FMO5: variants seen among roughly 807,000 people sequenced by gnomAD.
The protein encoded by FMO5 is flavin containing dimethylaniline monoxygenase 5.
Under a neutral mutation model 43.6 loss-of-function variants are expected in FMO5, and 51 were observed. The observed-to-expected ratio is 1.17, with a 90% CI of 0.93 to 1.48. The LOEUF (loss-of-function observed/expected upper bound fraction) is 1.48, where lower values mean the gene tolerates loss of function less well. Ranked by LOEUF, FMO5 falls within the 40% of genes most tolerant of loss-of-function variation. The pLI is 0.00. For missense variants in FMO5, 644 were observed against 643.0 expected, an observed-to-expected ratio of 1.00 and a Z score of -0.02; for synonymous variants, 187 against 216.5, an observed-to-expected ratio of 0.86 and a Z score of 1.20.
chr1:147,205,112 C>T (rs2101875019), intron 6 of FMO5, among the ~76,000 whole-genome samples: 1 of 152,192 alleles, frequency 6.6e-6, no homozygotes, highest in East Asian at 1.9e-4. Context: ...TGTTCCAAGA[C>T]TTTGTCTTTA....
At chr1:147,188,896 C>T (rs2101696102) in intron 8 of FMO5, among the ~76,000 whole-genome samples, 1 of 152,096 alleles carries the variant, frequency 6.6e-6, no homozygotes, top group Non-Finnish European at 1.5e-5. Context: ...GAAAAGAAAG[C>T]ACTGCAAGAA....
At position 147,202,309 on chromosome 1, in the gene FMO5, G is replaced by GTCTTTTTTTTTTTTTTTTTTT. The variant is rs1659115947; in HGVS notation, c.831-806_831-805insAAAAAAAAAAAAAAAAAAAGA. Among the ~76,000 whole-genome samples, 2 of 118,436 alleles carry GTCTTTTTTTTTTTTTTTTTTT rather than the reference G, an allele frequency of 1.7e-5. 1 individual carries two copies. The highest frequency in any genetic ancestry group is 6.3e-5 in the African/African-American group (2 of 31,602). The allele number at this position is 118,436 out of a possible 152,430, so 77.7% of individuals were successfully genotyped here. Reference sequence around the variant, plus strand: ...GTATCGTGGAGCTTTCTAAAAAGCAGTTCTTTTTTTTTTTTTTTTTTTTTT... The same window carrying GTCTTTTTTTTTTTTTTTTTTT: ...GTATCGTGGAGCTTTCTAAAAAGCAGTCTTTTTTTTTTTTTTTTTTTTTCTTTTTTTTTTTTTTTTTTTTTT... On this transcript the variant is annotated intron_variant, in intron 6 of 8. Coordinates refer to ENST00000254090, the MANE Select transcript of FMO5 (RefSeq NM_001461.4).
At chr1:147,223,043 T>G (rs2102090824) in intron 2 of FMO5, among the ~76,000 whole-genome samples, 1 of 152,304 alleles carries the variant, frequency 6.6e-6, no homozygotes, top group South Asian at 2.1e-4. Context: ...CTCCTGACAA[T>G]AACTCTATAA....
At chr1:147,196,266 T>C (rs1297965029) in intron 7 of FMO5, among the ~76,000 whole-genome samples, 2 of 152,142 alleles carry the variant, frequency 1.3e-5, no homozygotes, top group African/African-American at 4.8e-5. Flanking sequence ...GTTTTTACAT[T>C]TTAGCCATGG....
chr1:147,208,395 A>G (rs1660459793), intron 6 of FMO5: 1 of 152,232 alleles, frequency 6.6e-6, no homozygotes, highest in African/African-American at 2.4e-5. Flanking sequence ...CAAGTTAGAA[A>G]TCTGATTTCA....
rs1553917349 is a variant in FMO5 at position 147,187,202 on chromosome 1, CTA to C, written c.1298_1299del (p.Ile433ArgfsTer8). 1 of 1,613,894 alleles carries C rather than the reference CTA, an allele frequency of 6.2e-7. No homozygotes were observed. The highest frequency in any genetic ancestry group is 1.1e-5 in the South Asian group (1 of 91,054). On this transcript the variant is annotated frameshift_variant, in exon 9 of 9. Coordinates refer to ENST00000254090, the MANE Select transcript of FMO5 (RefSeq NM_001461.4). LOFTEE classifies it low-confidence loss of function (END_TRUNC). ...SQRHTIQGDY[I>X]DTMEELADLV... ...AAATCAGCAAGCTCTTCCATGGTATCTATGTAGTCTCCCTGAATGGTATGGCG... is the reference window on the plus strand; with the variant it reads ...AAATCAGCAAGCTCTTCCATGGTATCTGTAGTCTCCCTGAATGGTATGGCG...
chr1:147,224,215 T>C, intron 2 of FMO5: 1 of 262,992 alleles, frequency 3.8e-6, no homozygotes, highest in South Asian at 3.9e-5. Flanking sequence ...GGTGGCAGTT[T>C]TCAGAACCAA....
intron 2 of FMO5, 69 bp downstream of exon 2, chr1:147,224,826 G>A: frequency 6.6e-7 from 1 of 1,506,670 alleles, no homozygotes; most frequent in Non-Finnish European, 9.2e-7. Flanking sequence ...ACACTGTTAA[G>A]ATAAACTGTC....
intron 7 of FMO5, among the ~76,000 whole-genome samples, chr1:147,196,822 C>T (rs1658097464): frequency 6.6e-6 from 1 of 152,086 alleles, no homozygotes; most frequent in Admixed American, 6.6e-5. Flanking sequence ...CTCTCTTCTC[C>T]AACATGCTTT....
At chr1:147,197,671 G>C (rs140147394) in intron 7 of FMO5, among the ~76,000 whole-genome samples, 5,612 of 152,186 alleles carry the variant, frequency 0.037, 156 homozygotes, top group South Asian at 0.095. Flanking sequence ...ATGATTGTAA[G>C]TTTCCTGAGG....
intron 2 of FMO5, among the ~76,000 whole-genome samples, chr1:147,222,608 C>A (rs1156396381): frequency 2.0e-5 from 3 of 152,190 alleles, no homozygotes; most frequent in Non-Finnish European, 4.4e-5. Context: ...AGAATACATG[C>A]TTGGCTCTAG....
chr1:147,186,534 A>T lies in FMO5; in HGVS notation c.*366T>A, dbSNP rs1655646866. 16 of 1,004,986 alleles carry T rather than the reference A, an allele frequency of 1.6e-5. No individual in the cohort carries two copies. Among genetic ancestry groups the T allele is most frequent in the Non-Finnish European group, 1.9e-5 (16 of 843,172 alleles). 62.3% of individuals were successfully genotyped at this position (1,004,986 alleles called of 1,614,324 possible). A position where few individuals can be genotyped will look rare whatever the true frequency, so the allele number is the denominator to read the frequency against. On this transcript the variant is annotated 3_prime_UTR_variant, in exon 9 of 9. Transcript: ENST00000254090. Reference sequence around the variant, plus strand: ...GAAGAAGAGTTACGTGGAGTAAGCGATTTTATACCGATGCTGACTTACTCT... The same window carrying T: ...GAAGAAGAGTTACGTGGAGTAAGCGTTTTTATACCGATGCTGACTTACTCT...
At chr1:147,220,456 T>C (rs1662808397) in intron 2 of FMO5, among the ~76,000 whole-genome samples, 1 of 152,132 alleles carries the variant, frequency 6.6e-6, no homozygotes. Context: ...GATTCTAAAG[T>C]TCATATGGAA....
chr1:147,213,616 T>G (rs1478775932), intron 3 of FMO5, 146 bp from the exon 4 acceptor site: 2 of 647,206 alleles, frequency 3.1e-6, no homozygotes, highest in South Asian at 7.4e-5. Context: ...AAATAAGAAC[T>G]GTTTGGGGCT....
chr1:147,218,910 A>C (rs1346855659), intron 2 of FMO5, among the ~76,000 whole-genome samples: 1 of 152,154 alleles, frequency 6.6e-6, no homozygotes, highest in African/African-American at 2.4e-5. Flanking sequence ...AGATTCCGCT[A>C]TTCATCCTCC....
At chr1:147,190,107 A>G in intron 8 of FMO5, 70 bp downstream of exon 8, 2 of 1,038,956 alleles carry the variant, frequency 1.9e-6, no homozygotes. Context: ...AGTTAAATAC[A>G]GTACAATATT....
intron 2 of FMO5, among the ~76,000 whole-genome samples, chr1:147,220,706 A>T (rs1662852403): frequency 6.6e-6 from 1 of 152,176 alleles, no homozygotes; most frequent in African/African-American, 2.4e-5. Context: ...GTTGATTTTC[A>T]TATATGGCAA....
intron 7 of FMO5, among the ~76,000 whole-genome samples, chr1:147,198,494 C>T (rs1366467786): frequency 2.6e-5 from 4 of 152,094 alleles, no homozygotes; most frequent in Admixed American, 6.5e-5. Context: ...GTGTTTGCTG[C>T]TTAGTGGGTA....
rs1553923050 is a variant in FMO5 at position 147,208,862 on chromosome 1, G to C, written c.820C>G (p.Pro274Ala). 1 of 1,613,854 alleles carries C rather than the reference G, an allele frequency of 6.2e-7. No homozygotes were observed. The highest frequency in any genetic ancestry group is 8.5e-7 in the Non-Finnish European group (1 of 1,179,778). ...ATCCTGGGAACATACCTGTGTTTAGGCTTCAGGCCAAACATTTCATGGTCA... is the reference window on the plus strand; with the variant it reads ...ATCCTGGGAACATACCTGTGTTTAGCCTTCAGGCCAAACATTTCATGGTCA... ...RFDHEMFGLKPKHRALSQHPT... is the reference protein window; with the variant it reads ...RFDHEMFGLKAKHRALSQHPT... The change falls in exon 6 of 9, where the codon CCT becomes GCT. Residue 274 changes from proline to alanine, a missense_variant. Pro to Ala is a conservative substitution (Grantham distance 27). Transcript: ENST00000254090.
Sources: gnomAD v4.1 joint callset for allele counts (sites outside exome capture counted in the v4.1 genomes callset) on GRCh38, gnomAD v4.1.1 for gene constraint, MANE v1.5 for transcripts, NCBI Gene and HGNC (gene_info 2026-07-23, HGNC 2026-07-21) for gene names.